Variants in STX8 observed in about 807,000 individuals in gnomAD.
STX8 encodes the protein syntaxin-8.
STX8 carries 23 observed loss-of-function variants against 37.5 expected under a neutral mutation model. The ratio of observed to expected loss-of-function variants is 0.61; its 90% CI spans 0.44 to 0.87. The LOEUF (loss-of-function observed/expected upper bound fraction) is 0.87, where lower values mean the gene tolerates loss of function less well. Among genes scored for constraint, STX8 ranks in the 40% least tolerant of loss-of-function variants. The pLI is 0.00. For synonymous variants in STX8, 115 were observed against 99.1 expected (o/e 1.16, Z -0.95); for missense variants, 313 against 284.7 (o/e 1.10, Z -0.71).
intron 7 of STX8, among the ~76,000 whole-genome samples, chr17:9,270,897 G>T (rs759428542): frequency 1.3e-5 from 2 of 152,098 alleles, no homozygotes; most frequent in Non-Finnish European, 2.9e-5. Flanking sequence ...TGAAATGATG[G>T]GATTTTACCA....
chr17:9,414,783 C>CTTTTTTTT (rs10552538), intron 6 of STX8, among the ~76,000 whole-genome samples: 17 of 57,432 alleles, frequency 3.0e-4, no homozygotes, highest in South Asian at 9.3e-4. Context: ...CTGAGTTCTG[C>CTTTTTTTT]TTTTTTTTTT....
At chr17:9,406,262 A>G (rs1912799090) in intron 6 of STX8, among the ~76,000 whole-genome samples, 1 of 152,166 alleles carries the variant, frequency 6.6e-6, no homozygotes, top group Non-Finnish European at 1.5e-5. Context: ...ATCACATTGT[A>G]TGGGTCCCAT....
chr17:9,415,039 C>T (rs1913136631), intron 6 of STX8, among the ~76,000 whole-genome samples: 1 of 152,050 alleles, frequency 6.6e-6, no homozygotes, highest in Non-Finnish European at 1.5e-5. Context: ...GGCCCACCCG[C>T]CTCGGCCTCC....
At chr17:9,380,348 G>C (rs1024268551) in intron 6 of STX8, among the ~76,000 whole-genome samples, 12 of 149,462 alleles carry the variant, frequency 8.0e-5, no homozygotes, top group Admixed American at 5.4e-4. Context: ...AGTCTTCAAG[G>C]CTCTAGCAAT....
At chr17:9,370,106 T>C (rs760236536) in intron 7 of STX8, among the ~76,000 whole-genome samples, 5 of 151,840 alleles carry the variant, frequency 3.3e-5, no homozygotes, top group African/African-American at 7.3e-5. Context: ...TCCCAGCTAA[T>C]TGGGAGGCTG....
intron 6 of STX8, among the ~76,000 whole-genome samples, chr17:9,394,383 C>CT (rs1555523442): frequency 8.6e-5 from 13 of 150,542 alleles, no homozygotes; most frequent in African/African-American, 3.2e-4. Flanking sequence ...TATTTAAATT[C>CT]ATTTTTTTTT....
At chr17:9,395,138 TTTAA>T (rs1199787571) in intron 6 of STX8, among the ~76,000 whole-genome samples, 1 of 152,124 alleles carries the variant, frequency 6.6e-6, no homozygotes, top group Non-Finnish European at 1.5e-5. Context: ...ACTGTATTTA[TTTAA>T]TTAAATATAA....
intron 3 of STX8, chr17:9,554,594 C>G (rs1432959999): frequency 1.3e-5 from 2 of 152,158 alleles, no homozygotes; most frequent in Non-Finnish European, 2.9e-5. Context: ...AAGCTACCTC[C>G]TTTCCCTTAC....
At chr17:9,290,291 A>G (rs1908268921) in intron 7 of STX8, among the ~76,000 whole-genome samples, 1 of 146,504 alleles carries the variant, frequency 6.8e-6, no homozygotes, top group Admixed American at 6.9e-5. Flanking sequence ...TCACCAGGTG[A>G]AAGTCTATGT....
chr17:9,338,741 G>A (rs928208274), intron 7 of STX8, among the ~76,000 whole-genome samples: 4 of 152,212 alleles, frequency 2.6e-5, no homozygotes, highest in Admixed American at 6.5e-5. Flanking sequence ...CCCCTGAATC[G>A]GTATCTCTGT....
At position 9,315,979 on chromosome 17, in the gene STX8, CACTCCAGCCTGGGTGATAGAGTGAG is replaced by C. The variant is rs557150235; in HGVS notation, c.643+62548_643+62572del. 4.3e-3 allele frequency among the ~76,000 whole-genome samples: 644 copies of C among 151,452 alleles called. 6 individuals are homozygous for C. The highest frequency in any genetic ancestry group is 0.015 in the African/African-American group (602 of 41,226). On this transcript the variant is annotated intron_variant, in intron 7 of 7. Transcript: ENST00000306357. The stretch of plus-strand genomic sequence containing the variant: ...CAAGTGAGCCGAGATCACGCCACTG[CACTCCAGCCTGGGTGATAGAGTGAG>C]ACTCCATCTCCAATTAAAAAAAAAA...
chr17:9,326,340 T>C (rs1909752619), intron 7 of STX8, among the ~76,000 whole-genome samples: 1 of 152,146 alleles, frequency 6.6e-6, no homozygotes, highest in Admixed American at 6.6e-5. Flanking sequence ...CAGGCTGGTC[T>C]CAAACTCCTG....
At chr17:9,563,491 G>A (rs1219677152) in intron 2 of STX8, among the ~76,000 whole-genome samples, 1 of 151,904 alleles carries the variant, frequency 6.6e-6, no homozygotes, top group African/African-American at 2.4e-5. Flanking sequence ...GCCCGAAAGA[G>A]TATCTTTTAT....
chr17:9,384,029 C>G (rs1170471307), intron 6 of STX8, among the ~76,000 whole-genome samples: 1 of 152,096 alleles, frequency 6.6e-6, no homozygotes, highest in Admixed American at 6.6e-5. Flanking sequence ...TGAGGAACCC[C>G]CATGCTGTTC....
intron 4 of STX8, among the ~76,000 whole-genome samples, chr17:9,512,467 T>A (rs1435828003): frequency 7.1e-6 from 1 of 139,928 alleles, no homozygotes; most frequent in Non-Finnish European, 1.5e-5. Context: ...CCAACTGATC[T>A]TTTTTTTTTT....
chr17:9,524,007 C>T (rs2142529909), intron 4 of STX8, among the ~76,000 whole-genome samples: 1 of 152,358 alleles, frequency 6.6e-6, no homozygotes, highest in East Asian at 1.9e-4. Context: ...TCATCTAACT[C>T]ATGTCTAAAG....
chr17:9,512,750 T>C lies in STX8; in HGVS notation c.324-7588A>G, dbSNP rs528759658. Among the ~76,000 whole-genome samples the C allele has an allele frequency of 6.6e-5, 10 of 152,320 alleles. No individual in the cohort carries two copies. The South Asian group carries it at 1.4e-3, about 22-fold the overall frequency. On this transcript the variant is annotated intron_variant, in intron 4 of 7. Transcript: ENST00000306357. ...GAACCCAGCCAAGCCTACTCATTTT[T>C]AACAGAGGTGCCAAGAATACTCACT...
At chr17:9,502,379 C>T (rs542164769) in intron 5 of STX8, among the ~76,000 whole-genome samples, 3 of 152,136 alleles carry the variant, frequency 2.0e-5, no homozygotes, top group South Asian at 2.1e-4. Context: ...CTCAAAAGAT[C>T]GACTGTACAA....
chr17:9,563,042 C>T lies in STX8; in HGVS notation c.117+5329G>A, dbSNP rs117017699. ...TGTTACATCTACGCAATAGAGTACC[C>T]ATACAGCGCTAAAGAAGAACAAGGA... On this transcript the variant is annotated intron_variant, in intron 2 of 7. Coordinates refer to ENST00000306357, the MANE Select transcript of STX8 (RefSeq NM_004853.3). 5.1e-3 allele frequency among the ~76,000 whole-genome samples: 773 copies of T among 152,120 alleles called. 9 individuals carry two copies. Among genetic ancestry groups the T allele is most frequent in the Non-Finnish European group, 7.4e-3 (504 of 68,010 alleles).
Sources: allele counts gnomAD v4.1 joint callset (sites outside exome capture counted in the v4.1 genomes callset), GRCh38; gene constraint gnomAD v4.1.1; transcripts MANE v1.5; gene names NCBI Gene and HGNC (gene_info 2026-07-23, HGNC 2026-07-21).